The following CPNE4 variants were observed in gnomAD, a reference collection of about 807,000 sequenced individuals.
CPNE4 encodes copine-4.
CPNE4 carries 25 observed loss-of-function variants against 67.9 expected under a neutral mutation model. That is an observed-to-expected ratio of 0.37 (90% confidence interval 0.27 to 0.51). The LOEUF is 0.51. Among genes scored for constraint, CPNE4 ranks in the 20% least tolerant of loss-of-function variants. The probability of loss-of-function intolerance (pLI) is 0.93; values close to 1 mark genes in which losing one functional copy is unlikely to be tolerated. For synonymous variants in CPNE4, 242 were observed against 244.9 expected (o/e 0.99, Z 0.11); for missense variants, 464 against 690.8 (o/e 0.67, Z 3.68).
At chr3:131,939,561 T>C (rs534243839) in intron 1 of CPNE4, among the ~76,000 whole-genome samples, 3 of 152,174 alleles carry the variant, frequency 2.0e-5, no homozygotes, top group East Asian at 1.9e-4. Context: ...ATTATCCTGA[T>C]TTCCCCCAGA....
intron 8 of CPNE4, among the ~76,000 whole-genome samples, chr3:131,586,726 ATCTG>A (rs3039201): frequency 0.1 from 13,100 of 129,608 alleles, 701 homozygotes; most frequent in African/African-American, 0.22. Flanking sequence ...TTCTATCTCT[ATCTG>A]TCTGTCTGTC....
At chr3:132,026,382 AGC>A (rs2074116697) in intron 1 of CPNE4, among the ~76,000 whole-genome samples, 1 of 152,216 alleles carries the variant, frequency 6.6e-6, no homozygotes, top group African/African-American at 2.4e-5. Flanking sequence ...GCTGAAGCAT[AGC>A]CAGGCCAGGA....
intron 8 of CPNE4, among the ~76,000 whole-genome samples, chr3:131,585,464 T>C (rs2107697997): frequency 6.6e-6 from 1 of 152,322 alleles, no homozygotes; most frequent in South Asian, 2.1e-4. Context: ...TTCTGGTAGC[T>C]CAGTGATTCA....
intron 7 of CPNE4, among the ~76,000 whole-genome samples, chr3:131,622,611 T>C (rs1940534484): frequency 6.6e-6 from 1 of 152,166 alleles, no homozygotes; most frequent in Non-Finnish European, 1.5e-5. Context: ...TTGTTTAATA[T>C]ATGGGTGCCT....
chr3:131,717,873 CTTTT>C (rs780069137), intron 3 of CPNE4, among the ~76,000 whole-genome samples: 6,932 of 51,248 alleles, frequency 0.14, 777 homozygotes, highest in East Asian at 0.2. Flanking sequence ...TTCTTTCTTT[CTTTT>C]CTTTCTTTCT....
At chr3:131,676,266 C>T (rs904946845) in intron 6 of CPNE4, among the ~76,000 whole-genome samples, 1 of 151,918 alleles carries the variant, frequency 6.6e-6, no homozygotes, top group East Asian at 1.9e-4. Context: ...ACCATGTTGG[C>T]CAGGCTGGTG....
Position 131,542,679 on chromosome 3 carries a change from C to T in CPNE4, c.1417G>A (p.Gly473Arg), listed in dbSNP as rs1017518023. 1 of 1,614,006 alleles carries T rather than the reference C, an allele frequency of 6.2e-7. No homozygotes were observed. The highest frequency in any genetic ancestry group is 8.5e-7 in the Non-Finnish European group (1 of 1,179,928). ...TGCATGTCACTGAAGTCAGCGTTCC[C>T]TACTCCCACGATGATGACTGACATG... ...LPMSVIIVGV[G>R]NADFSDMQML... The change falls in exon 15 of 16, where the codon GGG becomes AGG. Residue 473 changes from glycine to arginine, a missense_variant. Transcript: ENST00000429747.
intron 2 of CPNE4, among the ~76,000 whole-genome samples, chr3:131,841,016 A>C (rs2085760205): frequency 6.6e-6 from 1 of 152,166 alleles, no homozygotes; most frequent in Non-Finnish European, 1.5e-5. Context: ...AAGGGAGAGA[A>C]ATGTTGTTTT....
chr3:131,912,210 A>C (rs1391177991), intron 1 of CPNE4, among the ~76,000 whole-genome samples: 1 of 152,192 alleles, frequency 6.6e-6, no homozygotes, highest in African/African-American at 2.4e-5. Context: ...TAAGTTATTA[A>C]AAACTACCAC....
At chr3:131,700,925 T>A (rs1424750506) in intron 3 of CPNE4, among the ~76,000 whole-genome samples, 1 of 151,816 alleles carries the variant, frequency 6.6e-6, no homozygotes, top group East Asian at 1.9e-4. Flanking sequence ...TAAAAAAGGA[T>A]GAGTTCATGT....
intron 2 of CPNE4, among the ~76,000 whole-genome samples, chr3:131,831,931 G>T (rs1006715209): frequency 6.6e-6 from 1 of 152,130 alleles, no homozygotes; most frequent in Admixed American, 6.6e-5. Flanking sequence ...AGATATGACA[G>T]TTAAATAATA....
chr3:131,683,934 G>C (rs369428995), intron 6 of CPNE4, among the ~76,000 whole-genome samples: 1 of 152,014 alleles, frequency 6.6e-6, no homozygotes, highest in East Asian at 1.9e-4. Context: ...CTGTGATGGG[G>C]CAGCACTGAG....
chr3:131,954,757 G>A (rs1221182333), intron 1 of CPNE4, among the ~76,000 whole-genome samples: 1 of 152,004 alleles, frequency 6.6e-6, no homozygotes, highest in African/African-American at 2.4e-5. Context: ...TTGGTTTTCT[G>A]TCCTTGTGAT....
chr3:131,862,647 G>A (rs12637004), intron 2 of CPNE4, among the ~76,000 whole-genome samples: 11,639 of 151,424 alleles, frequency 0.077, 578 homozygotes, highest in East Asian at 0.17. Context: ...CTCATCTCCC[G>A]TCCGACCAGA....
At chr3:131,600,560 C>A (rs1038883424) in intron 7 of CPNE4, among the ~76,000 whole-genome samples, 1 of 152,150 alleles carries the variant, frequency 6.6e-6, no homozygotes, top group Non-Finnish European at 1.5e-5. Context: ...CAGCTACAGG[C>A]CTCATAAATG....
chr3:131,696,543 T>C lies in CPNE4; in HGVS notation c.506A>G (p.Lys169Arg). 1 of 1,613,826 alleles carries C rather than the reference T, an allele frequency of 6.2e-7. No homozygotes were observed. The highest frequency in any genetic ancestry group is 8.5e-7 in the Non-Finnish European group (1 of 1,179,716). ...LAFNARKLDD[K>R]DFFSKSDPFL... ...TAAGGTTAATGCCAAACGCTTTACCTTGTCATCCAATTTCCGTGCATTGAA... is the reference window on the plus strand; with the variant it reads ...TAAGGTTAATGCCAAACGCTTTACCCTGTCATCCAATTTCCGTGCATTGAA... Residue 169 changes from lysine to arginine, a missense_variant and splice_region_variant, in exon 5 of 16, where the codon AAG (lysine) becomes AGG (arginine). Physicochemically the swap from Lys to Arg is conservative, Grantham distance 26. Coordinates refer to ENST00000429747, the MANE Select transcript of CPNE4 (RefSeq NM_130808.3).
intron 2 of CPNE4, among the ~76,000 whole-genome samples, chr3:131,839,006 CAA>C (rs1347954576): frequency 6.6e-6 from 1 of 151,656 alleles, no homozygotes; most frequent in Non-Finnish European, 1.5e-5. Context: ...ACACCTTATT[CAA>C]AAGAGTCAGA....
chr3:131,894,386 C>A (rs1466226981), intron 2 of CPNE4, among the ~76,000 whole-genome samples: 1 of 151,778 alleles, frequency 6.6e-6, no homozygotes, highest in African/African-American at 2.4e-5. Flanking sequence ...TTACACCAAA[C>A]TAAAAAGCTT....
chr3:131,586,722 C>CTCTATCTATCTATCTA (rs111608363), intron 8 of CPNE4, among the ~76,000 whole-genome samples: 3 of 148,384 alleles, frequency 2.0e-5, no homozygotes, highest in African/African-American at 7.7e-5. Flanking sequence ...GACTTTCTAT[C>CTCTATCTATCTATCTA]TCTATCTGTC....
Sources: gnomAD v4.1 joint callset for allele counts (sites outside exome capture counted in the v4.1 genomes callset) on GRCh38, gnomAD v4.1.1 for gene constraint, MANE v1.5 for transcripts, NCBI Gene and HGNC (gene_info 2026-07-23, HGNC 2026-07-21) for gene names.